LRRIQ3: variants seen among roughly 807,000 people sequenced by gnomAD.
The protein encoded by LRRIQ3 is leucine rich repeats and IQ motif containing 3.
In LRRIQ3, 75 loss-of-function variants were observed where a neutral mutation model predicts 59.3. That is an observed-to-expected ratio of 1.26 (90% CI 1.05 to 1.53). The LOEUF (loss-of-function observed/expected upper bound fraction) is 1.53, where lower values mean the gene tolerates loss of function less well. Among genes scored for constraint, LRRIQ3 ranks in the 40% most tolerant of loss-of-function variants. LRRIQ3 has a pLI of 0.00. For synonymous variants in LRRIQ3, 250 were observed against 231.3 expected, an observed-to-expected ratio of 1.08 and a Z score of -0.73; for missense variants, 831 against 710.0, an observed-to-expected ratio of 1.17 and a Z score of -1.94.
At chr1:74,144,758 C>T (rs1432453995) in intron 4 of LRRIQ3, among the ~76,000 whole-genome samples, 5 of 151,618 alleles carry the variant, frequency 3.3e-5, no homozygotes, top group Non-Finnish European at 5.9e-5. Context: ...TCCTTCTGCA[C>T]AGGCTATATC....
At chr1:74,105,592 G>C (rs544150813) in intron 5 of LRRIQ3, among the ~76,000 whole-genome samples, 1 of 151,840 alleles carries the variant, frequency 6.6e-6, no homozygotes, top group African/African-American at 2.4e-5. Context: ...TGCTATTTTT[G>C]AGTCCTTATT....
intron 6 of LRRIQ3, among the ~76,000 whole-genome samples, chr1:74,048,174 C>T (rs900405951): frequency 7.9e-5 from 12 of 152,118 alleles, no homozygotes; most frequent in Non-Finnish European, 1.3e-4. Flanking sequence ...AAAGGAAGTT[C>T]CCTCTCCTGA....
intron 5 of LRRIQ3, among the ~76,000 whole-genome samples, chr1:74,099,602 A>C (rs996407093): frequency 6.6e-6 from 1 of 152,244 alleles, no homozygotes; most frequent in Admixed American, 6.5e-5. Context: ...AGACACAACA[A>C]AAAAAGAGAA....
At chr1:74,162,806 G>A (rs1648739556) in intron 3 of LRRIQ3, among the ~76,000 whole-genome samples, 1 of 151,552 alleles carries the variant, frequency 6.6e-6, no homozygotes. Context: ...TCTCATAGAA[G>A]TAAAATGTAG....
intron 5 of LRRIQ3, among the ~76,000 whole-genome samples, chr1:74,078,278 C>T (rs1401824665): frequency 6.6e-6 from 1 of 151,690 alleles, no homozygotes; most frequent in African/African-American, 2.4e-5. Context: ...ATACATGGTT[C>T]TGTTTTCAGC....
chr1:74,128,502 T>C (rs191525408), intron 4 of LRRIQ3, among the ~76,000 whole-genome samples: 1 of 152,242 alleles, frequency 6.6e-6, no homozygotes, highest in African/African-American at 2.4e-5. Context: ...TCCATCTCTA[T>C]GTTATCTTGA....
chr1:74,060,194 C>CTTCTTT (rs1654668306), intron 6 of LRRIQ3, among the ~76,000 whole-genome samples: 1 of 52,248 alleles, frequency 1.9e-5, no homozygotes, highest in East Asian at 8.0e-4. Flanking sequence ...TCTTTTTCTT[C>CTTCTTT]TTCTTCTTCT....
At chr1:74,157,054 C>T (rs1648376404) in intron 3 of LRRIQ3, among the ~76,000 whole-genome samples, 1 of 152,102 alleles carries the variant, frequency 6.6e-6, no homozygotes, top group South Asian at 2.1e-4. Context: ...ATTAGTGCCG[C>T]TTCCGATTTA....
chr1:74,173,706 TTG>T lies in LRRIQ3; in HGVS notation c.573+8830_573+8831del, dbSNP rs1649466645. On this transcript the variant is annotated intron_variant, in intron 3 of 7. Coordinates refer to ENST00000354431, the MANE Select transcript of LRRIQ3 (RefSeq NM_001105659.2). ...ACAAATTTTGTTTAGACTTAATATT[TTG>T]TTTCAATTGAAACAATAAAAAATAA... is the stretch of plus-strand genomic sequence containing the variant. Among the ~76,000 whole-genome samples the T allele has an allele frequency of 3.3e-5, 5 of 152,168 alleles. No homozygotes were observed. The South Asian group carries it at 8.3e-4, about 25-fold the overall frequency.
rs61625595 is a variant in LRRIQ3, at chr1:74,139,126, G to GTATA, written c.707+16603_707+16606dup. ...TATATACATATATGTATGTGTGTGT[G>GTATA]TATATATATATATACATGTGTGTGT... On this transcript the variant is annotated intron_variant, in intron 4 of 7. Coordinates refer to ENST00000354431, the MANE Select transcript of LRRIQ3 (RefSeq NM_001105659.2). Among the ~76,000 whole-genome samples, 517 of 148,942 alleles carry GTATA rather than the reference G, an allele frequency of 3.5e-3. 5 individuals are homozygous for GTATA. Among genetic ancestry groups the GTATA allele is most frequent in the African/African-American group, 0.012 (489 of 40,400 alleles).
intron 6 of LRRIQ3, 23 bp from the exon 7 acceptor site, chr1:74,041,956 TTA>T: frequency 6.5e-7 from 1 of 1,541,152 alleles, no homozygotes. Context: ...GAAGCAAATA[TTA>T]TACATTATAC....
chr1:74,185,778 C>G (rs773371639), intron 1 of LRRIQ3, among the ~76,000 whole-genome samples: 2 of 151,784 alleles, frequency 1.3e-5, no homozygotes, highest in African/African-American at 4.8e-5. Context: ...CCCGTCTCTA[C>G]TAAAAATACA....
chr1:74,145,721 T>C (rs1647527669), intron 4 of LRRIQ3, among the ~76,000 whole-genome samples: 1 of 152,134 alleles, frequency 6.6e-6, no homozygotes, highest in African/African-American at 2.4e-5. Flanking sequence ...TTTTTCTTAA[T>C]TATATTTGTA....
At chr1:74,105,038 T>A (rs1646589712) in intron 5 of LRRIQ3, among the ~76,000 whole-genome samples, 2 of 152,044 alleles carry the variant, frequency 1.3e-5, no homozygotes, top group Admixed American at 6.6e-5. Context: ...AAGGCAATAT[T>A]TCTATATTTA....
chr1:74,085,922 A>T (rs1297314028), intron 5 of LRRIQ3, among the ~76,000 whole-genome samples: 2 of 152,036 alleles, frequency 1.3e-5, no homozygotes, highest in African/African-American at 4.8e-5. Context: ...ATCTCTCACA[A>T]TATGCAGCCA....
At chr1:74,179,097 T>A (rs187809725) in intron 3 of LRRIQ3, among the ~76,000 whole-genome samples, 1 of 152,222 alleles carries the variant, frequency 6.6e-6, no homozygotes, top group African/African-American at 2.4e-5. Context: ...CAAAACGCAA[T>A]ACTGGCTGAT....
At chr1:74,117,500 T>C (rs1646793364) in intron 4 of LRRIQ3, among the ~76,000 whole-genome samples, 1 of 152,190 alleles carries the variant, frequency 6.6e-6, no homozygotes, top group Admixed American at 6.5e-5. Flanking sequence ...GTGAGGTGGC[T>C]CATGCCTGTA....
chr1:74,090,835 A>G (rs1387027953), intron 5 of LRRIQ3, among the ~76,000 whole-genome samples: 1 of 152,078 alleles, frequency 6.6e-6, no homozygotes, highest in African/African-American at 2.4e-5. Flanking sequence ...TCAAGATTGG[A>G]GTGAGCCATG....
chr1:74,176,483 C>A lies in LRRIQ3; in HGVS notation c.573+6055G>T, dbSNP rs560409774. ...GGGTTTTCTCAGCTTCTTAAATCTG[C>A]ATTTATGTCTATTGCAACATTTGGG... On this transcript the variant is annotated intron_variant, in intron 3 of 7. Coordinates refer to ENST00000354431, the MANE Select transcript of LRRIQ3 (RefSeq NM_001105659.2). 2.6e-5 allele frequency among the ~76,000 whole-genome samples: 4 copies of A among 152,180 alleles called. No homozygotes were observed. In the East Asian group the frequency reaches 7.7e-4, roughly 29 times the overall value.
Sources: gnomAD v4.1 joint callset for allele counts (sites outside exome capture counted in the v4.1 genomes callset) on GRCh38, gnomAD v4.1.1 for gene constraint, MANE v1.5 for transcripts, NCBI Gene and HGNC (gene_info 2026-07-23, HGNC 2026-07-21) for gene names.